Variants in EPAS1 observed in about 807,000 individuals in gnomAD.
EPAS1 encodes the protein endothelial PAS domain protein 1.
Under a neutral mutation model 87.9 loss-of-function variants are expected in EPAS1, and 23 were observed. That is an observed-to-expected ratio of 0.26 (90% CI 0.19 to 0.37). The LOEUF (loss-of-function observed/expected upper bound fraction) is 0.37, where lower values mean the gene tolerates loss of function less well. Among genes scored for constraint, EPAS1 ranks in the 10% least tolerant of loss-of-function variants. The pLI is 1.00. For missense variants in EPAS1, 1,138 were observed against 1,120.7 expected, an observed-to-expected ratio of 1.02 and a Z score of -0.22; for synonymous variants, 508 against 444.3, an observed-to-expected ratio of 1.14 and a Z score of -1.80.
At chr2:46,357,229 A>G (rs1226514854) in intron 4 of EPAS1, among the ~76,000 whole-genome samples, 1 of 152,178 alleles carries the variant, frequency 6.6e-6, no homozygotes, top group Non-Finnish European at 1.5e-5. Flanking sequence ...ATTATCTCCC[A>G]GGGTTCTGTG....
intron 4 of EPAS1, among the ~76,000 whole-genome samples, chr2:46,359,553 T>A (rs1290248877): frequency 6.6e-6 from 1 of 152,190 alleles, no homozygotes; most frequent in East Asian, 1.9e-4. Flanking sequence ...TTAAAAAAAT[T>A]CACTATTCAG....
rs2103678181 is a variant in EPAS1 at position 46,382,506 on chromosome 2, G to T, written c.2369G>T (p.Ser790Ile). Reference protein sequence around the residue: ...LPLPQPPSAISPGENSKSRFP... With the variant: ...LPLPQPPSAIIPGENSKSRFP... ...CTGCCACAGCCTCCATCTGCCATCA[G>T]TCCCGGGGAGAACAGCAAGAGCAGG... is the stretch of plus-strand genomic sequence containing the variant. Residue 790 changes from serine to isoleucine, a missense_variant, in exon 15 of 16, where the codon AGT (serine) becomes ATT (isoleucine). By Grantham distance (142) the Ser-to-Ile change is moderately radical. Around this residue, in one of 4 missense-constraint regions of EPAS1, gnomAD observed 502 missense variants for 427.1 expected, o/e 1.18. Transcript: ENST00000263734. 4 of 1,614,142 alleles carry T rather than the reference G, an allele frequency of 2.5e-6. No individual in the cohort carries two copies. The highest frequency in any genetic ancestry group is 2.2e-5 in the East Asian group (1 of 44,880).
intron 6 of EPAS1, among the ~76,000 whole-genome samples, chr2:46,366,857 A>G (rs991156778): frequency 6.6e-6 from 1 of 152,240 alleles, no homozygotes; most frequent in Non-Finnish European, 1.5e-5. Flanking sequence ...GAGCGACCTT[A>G]TAAACAAGCT....
At chr2:46,356,582 G>C in intron 3 of EPAS1, 142 bp from the exon 4 acceptor site, 1 of 762,788 alleles carries the variant, frequency 1.3e-6, no homozygotes, top group Non-Finnish European at 2.4e-6. Flanking sequence ...TCTGTCTGTG[G>C]ACCTGACACT....
At chr2:46,331,452 A>G (rs1298092901) in intron 1 of EPAS1, among the ~76,000 whole-genome samples, 1 of 152,256 alleles carries the variant, frequency 6.6e-6, no homozygotes, top group African/African-American at 2.4e-5. Context: ...AAAACAAAAC[A>G]AAACTGTTTT....
At position 46,360,841 on chromosome 2, in the gene EPAS1, C is replaced by T. The variant is rs370158385; in HGVS notation, c.574-44C>T. On this transcript the variant is annotated intron_variant, in intron 5 of 15. Transcript: ENST00000263734. This position sits in a 1 kb window ranked among gnomAD's most constrained non-coding sequence, Gnocchi z 4.5. ...ATGCCTAAGGCCCTACCCCCACCCC[C>T]AGCACTCTCGGCTCCATGTCTGACC... is the stretch of plus-strand genomic sequence containing the variant. The T allele has an allele frequency of 6.2e-6, 10 of 1,613,484 alleles. No individual in the cohort carries two copies. The highest frequency in any genetic ancestry group is 1.3e-5 in the African/African-American group (1 of 74,892).
At chr2:46,369,503 G>T (rs902375708) in intron 6 of EPAS1, among the ~76,000 whole-genome samples, 4 of 152,184 alleles carry the variant, frequency 2.6e-5, no homozygotes, top group Non-Finnish European at 5.9e-5. Context: ...AAAACTTGGG[G>T]TGAGCCCCTT....
rs532461873 is a variant in EPAS1, at chr2:46,366,311, TTGAGAGTAAAGAGC to T, written c.780-3515_780-3502del. On this transcript the variant is annotated intron_variant, in intron 6 of 15. Coordinates refer to ENST00000263734, the MANE Select transcript of EPAS1 (RefSeq NM_001430.5). ...TTTTGAATAGAGCTTCTAAACAGTT[TTGAGAGTAAAGAGC>T]AATGAATCATTCATTTTACATTTTG... Among the ~76,000 whole-genome samples, 702 of 152,356 alleles carry T rather than the reference TTGAGAGTAAAGAGC, an allele frequency of 4.6e-3. 7 individuals carry two copies. The highest frequency in any genetic ancestry group is 0.016 in the African/African-American group (651 of 41,576).
chr2:46,327,967 A>G (rs777001614), intron 1 of EPAS1, among the ~76,000 whole-genome samples: 43 of 151,850 alleles, frequency 2.8e-4, no homozygotes, highest in Non-Finnish European at 4.1e-4. Context: ...ATGTTAACCT[A>G]CCTCCGGGGG....
At chr2:46,348,894 T>C (rs1684088001) in intron 2 of EPAS1, among the ~76,000 whole-genome samples, 2 of 152,232 alleles carry the variant, frequency 1.3e-5, no homozygotes, top group Non-Finnish European at 2.9e-5. Flanking sequence ...ACAGTCAACC[T>C]GTATATTAAT....
rs533665760 is a variant in EPAS1, at chr2:46,382,725, A to C, written c.2461+127A>C. On this transcript the variant is annotated intron_variant, in intron 15 of 15. Coordinates refer to ENST00000263734, the MANE Select transcript of EPAS1 (RefSeq NM_001430.5). ...AGGTGCTTGACTTGAAGTCACCTAT[A>C]CAGGGCTCAGGTCTCCTTGGATTTA... The C allele has an allele frequency of 1.7e-5, 22 of 1,271,310 alleles. 1 individual carries two copies. The Admixed American group carries it at 3.0e-4, about 17-fold the overall frequency. The allele number at this position is 1,271,310 out of a possible 1,614,324, so 78.8% of individuals were successfully genotyped here. A position where few individuals can be genotyped will look rare whatever the true frequency, so the allele number is the denominator to read the frequency against.
intron 1 of EPAS1, among the ~76,000 whole-genome samples, chr2:46,337,985 A>G (rs1324484965): frequency 1.3e-5 from 2 of 152,182 alleles, no homozygotes; most frequent in Non-Finnish European, 2.9e-5. Flanking sequence ...GCTGCTTCCC[A>G]GACCAAGTGT....
At chr2:46,302,127 T>C (rs1683015483) in intron 1 of EPAS1, among the ~76,000 whole-genome samples, 1 of 142,664 alleles carries the variant, frequency 7.0e-6, no homozygotes, top group African/African-American at 2.7e-5. Context: ...TCTGTGTGTG[T>C]GTGTGTGTGT....
intron 2 of EPAS1, among the ~76,000 whole-genome samples, chr2:46,349,568 C>T (rs966699397): frequency 2.0e-5 from 3 of 152,224 alleles, no homozygotes; most frequent in African/African-American, 7.2e-5. Context: ...AGCCTGTCAG[C>T]TCTGGTCCTC....
Position 46,377,927 on chromosome 2 carries a change from G to A in EPAS1, c.1283G>A (p.Gly428Asp). ...NQNFEESSAY[G>D]KAILPPSQPW... ...AACTTCGAGGAGTCCTCAGCCTATG[G>A]CAAGGCCATCCTGCCCCCGAGCCAG... is the stretch of plus-strand genomic sequence containing the variant. Residue 428 changes from glycine to aspartate, a missense_variant, in exon 10 of 16, where the codon GGC becomes GAC. By Grantham distance (94) the Gly-to-Asp change is moderately conservative. Around this residue, in one of 4 missense-constraint regions of EPAS1, gnomAD observed 284 missense variants for 258.4 expected, o/e 1.10. Coordinates refer to ENST00000263734, the MANE Select transcript of EPAS1 (RefSeq NM_001430.5). The A allele has an allele frequency of 6.4e-7, 1 of 1,554,600 alleles. No individual in the cohort carries two copies. The highest frequency in any genetic ancestry group is 1.4e-5 in the African/African-American group (1 of 73,294).
In EPAS1 at chr2:46,361,046, G is replaced by C; in HGVS notation, c.735G>C (p.Leu245=). ...TCCCCCTGGATAGCAAGACCTTCCT[G>C]AGCCGCCACAGCATGGACATGAAGT... ...MDIPLDSKTF[L]SRHSMDMKFT... is the part of the protein sequence containing the mutation. The change falls in exon 6 of 16, where the codon CTG becomes CTC. Residue 245 remains leucine (L), a synonymous_variant. Transcript: ENST00000263734. 6.2e-7 allele frequency: 1 copy of C among 1,614,150 alleles called. No homozygotes were observed. Among genetic ancestry groups the C allele is most frequent in the Non-Finnish European group, 8.5e-7 (1 of 1,180,030 alleles).
intron 1 of EPAS1, among the ~76,000 whole-genome samples, chr2:46,338,480 G>A (rs939925702): frequency 2.6e-5 from 4 of 152,152 alleles, no homozygotes; most frequent in African/African-American, 9.7e-5. Flanking sequence ...TCCTGCACCC[G>A]CTGGCTTTCT....
chr2:46,321,876 C>T (rs1376483154), intron 1 of EPAS1, among the ~76,000 whole-genome samples: 1 of 152,112 alleles, frequency 6.6e-6, no homozygotes, highest in African/African-American at 2.4e-5. Flanking sequence ...GTACAGGCAC[C>T]TCAGTAGACC....
intron 6 of EPAS1, among the ~76,000 whole-genome samples, chr2:46,369,266 G>T (rs1337892847): frequency 6.6e-6 from 1 of 152,172 alleles, no homozygotes; most frequent in Non-Finnish European, 1.5e-5. Flanking sequence ...AGCACAGACG[G>T]GTTCTGCCTG....
Sources: gnomAD v4.1 joint callset for allele counts (sites outside exome capture counted in the v4.1 genomes callset) on GRCh38, gnomAD v4.1.1 for gene constraint, gnomAD v4.1.1 regional missense constraint, Gnocchi (gnomAD v3.1) non-coding constraint, MANE v1.5 for transcripts, NCBI Gene and HGNC (gene_info 2026-07-23, HGNC 2026-07-21) for gene names.